TENM4: variants seen among roughly 807,000 people sequenced by gnomAD.
TENM4 encodes the protein teneurin transmembrane protein 4.
Under a neutral mutation model 243.3 loss-of-function variants are expected in TENM4, and 82 were observed. The ratio of observed to expected loss-of-function variants is 0.34; its 90% CI spans 0.28 to 0.40. TENM4 has a LOEUF of 0.40. TENM4 is among the 10% of genes least tolerant of loss of function. The pLI is 1.00. For missense variants in TENM4, 3,138 were observed against 3,673.3 expected (o/e 0.85, Z 3.77); for synonymous variants, 1,412 against 1,456.3 (o/e 0.97, Z 0.69).
intron 1 of TENM4, among the ~76,000 whole-genome samples, chr11:79,433,881 C>T (rs1039934388): frequency 6.6e-6 from 1 of 152,216 alleles, no homozygotes; most frequent in Non-Finnish European, 1.5e-5. Context: ...TGTCTGAAGT[C>T]AGAGTCAGCA....
chr11:78,761,621 T>G (rs554640096), intron 18 of TENM4, among the ~76,000 whole-genome samples: 1 of 152,130 alleles, frequency 6.6e-6, no homozygotes, highest in African/African-American at 2.4e-5. Context: ...ATTTCTTAGG[T>G]TGGGGTTCTA....
chr11:79,039,569 C>T (rs1859467707), intron 6 of TENM4, among the ~76,000 whole-genome samples: 1 of 152,138 alleles, frequency 6.6e-6, no homozygotes, highest in Admixed American at 6.5e-5. Context: ...AGAAAAGAAC[C>T]CTTTTATCAG....
At chr11:79,153,305 CT>C (rs1217354301) in intron 3 of TENM4, among the ~76,000 whole-genome samples, 1 of 152,190 alleles carries the variant, frequency 6.6e-6, no homozygotes, top group African/African-American at 2.4e-5. Context: ...GATGATTCTT[CT>C]TGTGTGAATA....
chr11:79,307,212 G>A (rs1015068985), intron 1 of TENM4, among the ~76,000 whole-genome samples: 4 of 152,144 alleles, frequency 2.6e-5, no homozygotes, highest in African/African-American at 9.7e-5. Flanking sequence ...TGCCCCAGAT[G>A]CAGAGTGGCA....
chr11:79,323,481 C>A (rs1856924322), intron 1 of TENM4, among the ~76,000 whole-genome samples: 1 of 152,198 alleles, frequency 6.6e-6, no homozygotes, highest in East Asian at 1.9e-4. Flanking sequence ...GACCCCTGAG[C>A]TTCCTAAAAA....
intron 6 of TENM4, among the ~76,000 whole-genome samples, chr11:78,928,433 G>A (rs557983211): frequency 6.6e-6 from 1 of 152,210 alleles, no homozygotes; most frequent in Non-Finnish European, 1.5e-5. Context: ...CAATATTTAA[G>A]TGTATAATAA....
chr11:79,336,193 G>A (rs114191786), intron 1 of TENM4, among the ~76,000 whole-genome samples: 8 of 152,294 alleles, frequency 5.3e-5, no homozygotes, highest in African/African-American at 1.9e-4. Context: ...AGTGTCTTGA[G>A]GGGTGGGAAG....
intron 32 of TENM4, among the ~76,000 whole-genome samples, chr11:78,665,041 T>A (rs1242093311): frequency 6.6e-6 from 1 of 152,176 alleles, no homozygotes; most frequent in East Asian, 1.9e-4. Flanking sequence ...AGTAGATATT[T>A]CCCTCAAGTT....
intron 29 of TENM4, among the ~76,000 whole-genome samples, chr11:78,677,923 C>A (rs1228280578): frequency 7.7e-5 from 9 of 117,344 alleles, no homozygotes; most frequent in Non-Finnish European, 1.1e-4. Context: ...TCCCTCCCCC[C>A]TCCCCCGACC....
At chr11:78,988,673 C>A (rs1591186279) in intron 6 of TENM4, among the ~76,000 whole-genome samples, 2 of 152,094 alleles carry the variant, frequency 1.3e-5, no homozygotes, top group Non-Finnish European at 2.9e-5. Flanking sequence ...ACAATCCCCC[C>A]ACTCCCTTTT....
At chr11:79,380,958 A>T (rs1378980499) in intron 1 of TENM4, among the ~76,000 whole-genome samples, 1 of 152,136 alleles carries the variant, frequency 6.6e-6, no homozygotes, top group East Asian at 1.9e-4. Context: ...GGTGAGAATG[A>T]GAATAACTTC....
intron 2 of TENM4, among the ~76,000 whole-genome samples, chr11:79,245,451 A>G (rs978166094): frequency 6.6e-6 from 1 of 152,156 alleles, no homozygotes; most frequent in Non-Finnish European, 1.5e-5. Flanking sequence ...TGAGCATATC[A>G]TCCCTGGCTC....
At chr11:79,150,915 C>T (rs952188201) in intron 3 of TENM4, among the ~76,000 whole-genome samples, 5 of 152,122 alleles carry the variant, frequency 3.3e-5, no homozygotes, top group East Asian at 1.9e-4. Flanking sequence ...AATAACCACA[C>T]GAGGTAGACA....
chr11:79,226,647 T>C (rs1040739314), intron 2 of TENM4, among the ~76,000 whole-genome samples: 2 of 152,194 alleles, frequency 1.3e-5, no homozygotes, highest in African/African-American at 2.4e-5. Flanking sequence ...GGCAAGATCC[T>C]AGCTCTTCTC....
chr11:79,438,162 G>T lies in TENM4; in HGVS notation c.-321+2347C>A, dbSNP rs772356364. On this transcript the variant is annotated intron_variant, in intron 1 of 33. Coordinates refer to ENST00000278550, the MANE Select transcript of TENM4 (RefSeq NM_001098816.3). The surrounding 1 kb of genome is among the most constrained non-coding windows in gnomAD (Gnocchi z 4.1). Reference sequence around the variant, plus strand: ...ATCACCATCTCCTGACTGCGGGCTGGGGGGAAGGGAGTTCAGGGCCAATGT... The same window carrying T: ...ATCACCATCTCCTGACTGCGGGCTGTGGGGAAGGGAGTTCAGGGCCAATGT... Among the ~76,000 whole-genome samples, 4 of 152,130 alleles carry T rather than the reference G, an allele frequency of 2.6e-5. No homozygotes were observed. The highest frequency in any genetic ancestry group is 5.9e-5 in the Non-Finnish European group (4 of 68,040).
Position 78,726,089 on chromosome 11 carries a change from G to A in TENM4, c.3540C>T (p.Asn1180=), listed in dbSNP as rs1855504710. The A allele has an allele frequency of 6.2e-7, 1 of 1,613,994 alleles. No homozygotes were observed. Among genetic ancestry groups the A allele is most frequent in the East Asian group, 2.2e-5 (1 of 44,888 alleles). ...TATTAATCCACTTACCACTTTGAATGTTGAGGGCATGATGTTTGTCTAGGC... is the reference window on the plus strand; with the variant it reads ...TATTAATCCACTTACCACTTTGAATATTGAGGGCATGATGTTTGTCTAGGC... ...GWSLDKHHAL[N]IQSGILHKGN... The change falls in exon 23 of 34, where the codon AAC becomes AAT. Residue 1180 remains asparagine (N), a synonymous_variant. Transcript: ENST00000278550.
intron 6 of TENM4, among the ~76,000 whole-genome samples, chr11:79,027,425 G>A (rs1859108634): frequency 6.6e-6 from 1 of 152,210 alleles, no homozygotes; most frequent in East Asian, 1.9e-4. Context: ...AGGATAAGAT[G>A]CTCTTTGAGT....
chr11:79,227,691 T>G (rs1348637048), intron 2 of TENM4, among the ~76,000 whole-genome samples: 1 of 149,880 alleles, frequency 6.7e-6, no homozygotes, highest in African/African-American at 2.5e-5. Flanking sequence ...TGCATGGGAC[T>G]TTTTTTGCTG....
At chr11:79,261,519 G>A (rs1284313615) in intron 2 of TENM4, among the ~76,000 whole-genome samples, 1 of 152,116 alleles carries the variant, frequency 6.6e-6, no homozygotes, top group Non-Finnish European at 1.5e-5. Context: ...GATTGGCTTG[G>A]CTTGGGAATG....
Sources: allele counts gnomAD v4.1 joint callset (sites outside exome capture counted in the v4.1 genomes callset), GRCh38; gene constraint gnomAD v4.1.1; non-coding constraint Gnocchi (gnomAD v3.1); transcripts MANE v1.5; gene names NCBI Gene and HGNC (gene_info 2026-07-23, HGNC 2026-07-21).